The following FNTB variants were observed in gnomAD, a reference collection of about 807,000 sequenced individuals.
The protein encoded by FNTB is farnesyltransferase, CAAX box, subunit beta.
In FNTB, 27 loss-of-function variants were observed where a neutral mutation model predicts 59.4. The ratio of observed to expected loss-of-function variants is 0.45; its 90% CI spans 0.34 to 0.63. The LOEUF is 0.63. Ranked by LOEUF, FNTB falls within the 20% of genes least tolerant of loss-of-function variation. FNTB has a pLI of 0.02. For missense variants in FNTB, 449 were observed against 559.6 expected (o/e 0.80, Z 1.99); for synonymous variants, 230 against 220.7 (o/e 1.04, Z -0.37).
chr14:65,015,406 T>G, intron 3 of FNTB: 3 of 412,646 alleles, frequency 7.3e-6, no homozygotes, highest in South Asian at 5.0e-5. Flanking sequence ...CCCAGCCTTG[T>G]TATCTTTTTT....
At position 65,012,648 on chromosome 14, in the gene FNTB, T is replaced by C. The variant is rs920173637; in HGVS notation, c.282+259T>C. ...CTGTTACTAGATGATGACTAAGGGG[T>C]TCACGTGCTTTATCTAGACCTCCTT... On this transcript the variant is annotated intron_variant, in intron 3 of 11. Coordinates refer to ENST00000246166, the MANE Select transcript of FNTB (RefSeq NM_002028.4). This position sits in a 1 kb window ranked among gnomAD's most constrained non-coding sequence, Gnocchi z 5.0. Among the ~76,000 whole-genome samples, 8 of 152,064 alleles carry C rather than the reference T, an allele frequency of 5.3e-5. No individual in the cohort carries two copies. The highest frequency in any genetic ancestry group is 1.9e-4 in the African/African-American group (8 of 41,402).
rs899992458 is a variant in FNTB, at chr14:64,990,916, C to G, written c.144+3819C>G. On this transcript the variant is annotated intron_variant, in intron 1 of 11. Transcript: ENST00000246166. The surrounding 1 kb of genome is among the most constrained non-coding windows in gnomAD (Gnocchi z 5.2). ...TATTTTTATGAAGGTCTCTACCTTG[C>G]TAAGCTGTTTTGTTAATGCAGATGC... 2.6e-5 allele frequency among the ~76,000 whole-genome samples: 4 copies of G among 152,100 alleles called. No individual in the cohort carries two copies. The highest frequency in any genetic ancestry group is 1.3e-4 in the Admixed American group (2 of 15,270).
At chr14:65,002,521 A>C (rs2061534483) in intron 1 of FNTB, among the ~76,000 whole-genome samples, 1 of 152,202 alleles carries the variant, frequency 6.6e-6, no homozygotes, top group Non-Finnish European at 1.5e-5. Context: ...AGGCAGGAGA[A>C]TCACTTGAAC....
chr14:64,987,188 G>C, intron 1 of FNTB, 91 bp downstream of exon 1: 1 of 1,449,814 alleles, frequency 6.9e-7, no homozygotes, highest in Non-Finnish European at 9.5e-7. Context: ...GGAACTCACC[G>C]GGGAACTACG....
intron 7 of FNTB, among the ~76,000 whole-genome samples, chr14:65,037,734 TTTATTTA>T (rs1283356699): frequency 2.1e-4 from 16 of 76,602 alleles, no homozygotes; most frequent in East Asian, 1.0e-3. Context: ...CTCTTATTTA[TTTATTTA>T]TTATTTATTT....
In FNTB at chr14:65,061,706, G is replaced by A. The variant is rs1454706604; in HGVS notation, c.*394G>A. The stretch of plus-strand genomic sequence containing the variant: ...CCACCATTCAGTCACCAGACTGGGT[G>A]CCCTCCGATGGGTGGAATAAGTCTG... On this transcript the variant is annotated 3_prime_UTR_variant, in exon 12 of 12. Transcript: ENST00000246166. 1 of 186,120 alleles carries A rather than the reference G, an allele frequency of 5.4e-6. No homozygotes were observed. The highest frequency in any genetic ancestry group is 2.3e-5 in the African/African-American group (1 of 43,462). The allele number at this position is 186,120 out of a possible 1,614,324, so 11.5% of individuals were successfully genotyped here.
chr14:65,055,021 G>C (rs1407215391), intron 11 of FNTB, among the ~76,000 whole-genome samples: 1 of 152,254 alleles, frequency 6.6e-6, no homozygotes, highest in East Asian at 1.9e-4. Context: ...AGTCCCAGCA[G>C]GCTCGTGATA....
rs1358219128 is a variant in FNTB at position 65,034,485 on chromosome 14, C to G, written c.692+1789C>G. 2.6e-5 allele frequency among the ~76,000 whole-genome samples: 4 copies of G among 152,184 alleles called. No individual in the cohort carries two copies. In the East Asian group the frequency reaches 5.8e-4, roughly 22 times the overall value. On this transcript the variant is annotated intron_variant, in intron 7 of 11. Transcript: ENST00000246166. ...ACTTGGCAATGGTATAAACTGTAGT[C>G]TTTCTGAATTTTGTAAGCATTGCTT... is the stretch of plus-strand genomic sequence containing the variant.
chr14:64,986,899 CG>C lies in FNTB; in HGVS notation c.-54del. 1 of 1,601,794 alleles carries C rather than the reference CG, an allele frequency of 6.2e-7. No individual in the cohort carries two copies. The highest frequency in any genetic ancestry group is 1.1e-5 in the South Asian group (1 of 90,836). On this transcript the variant is annotated 5_prime_UTR_variant, in exon 1 of 12. It removes the in-frame stop codon of an upstream open reading frame in the 5' UTR. Coordinates refer to ENST00000246166, the MANE Select transcript of FNTB (RefSeq NM_002028.4). The stretch of plus-strand genomic sequence containing the variant: ...GCTTTAGCCCGCTCGAGTTTCAATG[CG>C]CGTTGTTGCTTAACGAAGCAGAGTC...
chr14:65,010,277 C>G (rs73268767), intron 2 of FNTB, among the ~76,000 whole-genome samples: 1,596 of 152,344 alleles, frequency 0.01, 26 homozygotes, highest in East Asian at 0.081. Flanking sequence ...GGTCTTCCCA[C>G]AGTTTTGTTT....
At chr14:65,004,785 C>T (rs2061555805) in intron 2 of FNTB, among the ~76,000 whole-genome samples, 1 of 152,048 alleles carries the variant, frequency 6.6e-6, no homozygotes, top group Admixed American at 6.6e-5. Flanking sequence ...GCCTCAGCCT[C>T]TCAAGAAGCT....
chr14:64,998,164 G>C (rs1225304308), intron 1 of FNTB, among the ~76,000 whole-genome samples: 3 of 152,210 alleles, frequency 2.0e-5, no homozygotes, highest in African/African-American at 4.8e-5. Flanking sequence ...AATGAAGAAA[G>C]TACTATTTGA....
At chr14:65,002,414 G>A (rs564138601) in intron 1 of FNTB, among the ~76,000 whole-genome samples, 5 of 152,118 alleles carry the variant, frequency 3.3e-5, no homozygotes, top group Non-Finnish European at 5.9e-5. Context: ...TTCGAGACCA[G>A]CCTGGCCAAC....
chr14:65,027,582 C>T lies in FNTB; in HGVS notation c.504C>T (p.Ala168=). 2 of 1,614,158 alleles carry T rather than the reference C, an allele frequency of 1.2e-6. No individual in the cohort carries two copies. Among genetic ancestry groups the T allele is most frequent in the Non-Finnish European group, 1.7e-6 (2 of 1,180,020 alleles). The change falls in exon 5 of 12, where the codon GCC becomes GCT. Residue 168 remains alanine, a synonymous_variant. Coordinates refer to ENST00000246166, the MANE Select transcript of FNTB (RefSeq NM_002028.4). This position sits in a 1 kb window ranked among gnomAD's most constrained non-coding sequence, Gnocchi z 5.7. The part of the protein sequence containing the change: ...NALCIIGTEE[A]YDIINREKLL... ...TGTGCATCATTGGCACCGAGGAGGC[C>T]TATGACATCATTAACAGGTACAGTG...
At chr14:65,043,526 T>G (rs893624114) in intron 8 of FNTB, among the ~76,000 whole-genome samples, 1 of 152,056 alleles carries the variant, frequency 6.6e-6, no homozygotes. Context: ...GATCATCTGA[T>G]GAAATGTAGT....
intron 4 of FNTB, among the ~76,000 whole-genome samples, chr14:65,019,882 A>AT (rs1395475894): frequency 6.6e-6 from 1 of 152,134 alleles, no homozygotes; most frequent in African/African-American, 2.4e-5. Flanking sequence ...TAAATAGAAG[A>AT]TTTTTTTTAG....
At chr14:65,000,268 G>A (rs1368289739) in intron 1 of FNTB, among the ~76,000 whole-genome samples, 1 of 152,150 alleles carries the variant, frequency 6.6e-6, no homozygotes, top group Non-Finnish European at 1.5e-5. Context: ...TTCCATATCC[G>A]TGGGTTCTGC....
chr14:64,998,426 A>G (rs1226338586), intron 1 of FNTB, among the ~76,000 whole-genome samples: 1 of 150,506 alleles, frequency 6.6e-6, no homozygotes, highest in Non-Finnish European at 1.5e-5. Context: ...TTTTAAGATA[A>G]TTATTATTGG....
chr14:64,991,001 T>G lies in FNTB; in HGVS notation c.144+3904T>G, dbSNP rs1271155904. ...ATGGTTGTATTGTTAGTGCCTGCCT[T>G]CCTTATTGTGCCATCTGGAATCATC... On this transcript the variant is annotated intron_variant, in intron 1 of 11. Transcript: ENST00000246166. This position sits in a 1 kb window ranked among gnomAD's most constrained non-coding sequence, Gnocchi z 4.4. Among the ~76,000 whole-genome samples, 7 of 152,142 alleles carry G rather than the reference T, an allele frequency of 4.6e-5. No homozygotes were observed. The highest frequency in any genetic ancestry group is 3.9e-4 in the East Asian group (2 of 5,190).
Sources: gnomAD v4.1 joint callset for allele counts (sites outside exome capture counted in the v4.1 genomes callset) on GRCh38, gnomAD v4.1.1 for gene constraint, Gnocchi (gnomAD v3.1) non-coding constraint, MANE v1.5 for transcripts, NCBI Gene and HGNC (gene_info 2026-07-23, HGNC 2026-07-21) for gene names.